SLC14A2: variants seen among roughly 807,000 people sequenced by gnomAD.
SLC14A2 encodes urea transporter 2.
Under a neutral mutation model 104.6 loss-of-function variants are expected in SLC14A2, and 91 were observed. The observed-to-expected ratio is 0.87, with a 90% CI of 0.73 to 1.04. The LOEUF (loss-of-function observed/expected upper bound fraction) is 1.04. SLC14A2 is among the 50% of genes least tolerant of loss of function. SLC14A2 has a pLI of 0.00. For synonymous variants in SLC14A2, 476 were observed against 466.4 expected, an observed-to-expected ratio of 1.02 and a Z score of -0.27; for missense variants, 1,189 against 1,156.0, an observed-to-expected ratio of 1.03 and a Z score of -0.41.
intron 1 of SLC14A2, among the ~76,000 whole-genome samples, chr18:45,317,474 G>A (rs1349580408): frequency 1.3e-5 from 2 of 152,154 alleles, no homozygotes; most frequent in Non-Finnish European, 2.9e-5. Flanking sequence ...TGTTAGGCAG[G>A]GAGAGAAAGA....
chr18:45,237,578 C>T (rs1026382166), intron 1 of SLC14A2, among the ~76,000 whole-genome samples: 1 of 152,200 alleles, frequency 6.6e-6, no homozygotes, highest in South Asian at 2.1e-4. Context: ...AATCGTAAAT[C>T]CTCCTGAGCC....
rs1057272967 is a variant in SLC14A2 at position 45,640,007 on chromosome 18, C to G, written c.991+114C>G. On this transcript the variant is annotated intron_variant, in intron 7 of 19. Coordinates refer to ENST00000255226, the MANE Select transcript of SLC14A2 (RefSeq NM_007163.4). ...TCTTCCCTGCAGTTTTAAATACTTT[C>G]AGGGAGACAGGCACGGTGACTTATG... 3 of 1,002,900 alleles carry G rather than the reference C, an allele frequency of 3.0e-6. No individual in the cohort carries two copies. The African/African-American group carries it at 4.9e-5, about 16-fold the overall frequency. The allele number at this position is 1,002,900 out of a possible 1,614,324, so 62.1% of individuals were successfully genotyped here.
At chr18:45,324,012 TGAAA>T (rs1386155463) in intron 1 of SLC14A2, among the ~76,000 whole-genome samples, 1 of 152,184 alleles carries the variant, frequency 6.6e-6, no homozygotes, top group Non-Finnish European at 1.5e-5. Flanking sequence ...AGAGAAAATG[TGAAA>T]GAGACGTTAT....
At position 45,388,555 on chromosome 18, in the gene SLC14A2, G is replaced by C. The variant is rs879000467; in HGVS notation, c.-124-94678G>C. 3.9e-5 allele frequency among the ~76,000 whole-genome samples: 6 copies of C among 152,152 alleles called. No homozygotes were observed. In the South Asian group the frequency reaches 1.2e-3, roughly 32 times the overall value. On this transcript the variant is annotated intron_variant, in intron 1 of 20. Transcript: ENST00000586448. ...GGCTATTTTTCGTCTGTTCTCTTCA[G>C]TGCCCCAAGATTGCGAATACCTGGG...
chr18:45,452,409 T>TGG (rs2086872579), intron 1 of SLC14A2, among the ~76,000 whole-genome samples: 1 of 152,222 alleles, frequency 6.6e-6, no homozygotes. Context: ...CTTTACATAC[T>TGG]ATGTCCTTCA....
intron 2 of SLC14A2, among the ~76,000 whole-genome samples, chr18:45,508,464 A>G (rs1378300406): frequency 1.3e-5 from 2 of 152,184 alleles, no homozygotes; most frequent in Non-Finnish European, 1.5e-5. Context: ...GTCTACCGCC[A>G]TGTGACATGT....
chr18:45,466,381 C>A (rs75454716), intron 1 of SLC14A2, among the ~76,000 whole-genome samples: 1 of 151,526 alleles, frequency 6.6e-6, no homozygotes, highest in Admixed American at 6.6e-5. Context: ...AGGGCATGTG[C>A]ATCAGTAACT....
chr18:45,268,916 GGAAA>G (rs2084621087), intron 1 of SLC14A2, among the ~76,000 whole-genome samples: 1 of 151,810 alleles, frequency 6.6e-6, no homozygotes, highest in Non-Finnish European at 1.5e-5. Context: ...TGATCTGGGT[GGAAA>G]GAGTCTTCAG....
chr18:45,465,693 G>T (rs1208061365), intron 1 of SLC14A2, among the ~76,000 whole-genome samples: 1 of 152,040 alleles, frequency 6.6e-6, no homozygotes, highest in South Asian at 2.1e-4. Context: ...AGTCAGCTAG[G>T]AGCCCACCTG....
intron 1 of SLC14A2, among the ~76,000 whole-genome samples, chr18:45,425,518 A>C (rs956077839): frequency 2.6e-5 from 4 of 152,180 alleles, no homozygotes; most frequent in Admixed American, 6.6e-5. Context: ...TTGCCAGTAC[A>C]TCAGTGGCAC....
intron 1 of SLC14A2, among the ~76,000 whole-genome samples, chr18:45,286,567 C>T (rs1252693651): frequency 6.6e-6 from 1 of 152,182 alleles, no homozygotes. Flanking sequence ...AATTTTAGAT[C>T]GAATATTGCC....
intron 2 of SLC14A2, among the ~76,000 whole-genome samples, chr18:45,581,125 T>G (rs2044485024): frequency 6.6e-6 from 1 of 151,216 alleles, no homozygotes; most frequent in African/African-American, 2.4e-5. Context: ...GAAGGGAGGG[T>G]GGAGTGAGGG....
chr18:45,350,776 A>G (rs749935340), intron 1 of SLC14A2, among the ~76,000 whole-genome samples: 1 of 152,164 alleles, frequency 6.6e-6, no homozygotes, highest in African/African-American at 2.4e-5. Flanking sequence ...AGGAAAAAAA[A>G]AAAAGCTCCC....
At chr18:45,624,131 A>G (rs546667469) in intron 1 of SLC14A2, among the ~76,000 whole-genome samples, 15 of 152,262 alleles carry the variant, frequency 9.9e-5, no homozygotes, top group Non-Finnish European at 1.0e-4. Flanking sequence ...TAGGGAAGGG[A>G]AAGAGGGAAG....
At chr18:45,587,612 C>T (rs1207850788) in intron 2 of SLC14A2, among the ~76,000 whole-genome samples, 5 of 152,098 alleles carry the variant, frequency 3.3e-5, no homozygotes, top group African/African-American at 7.2e-5. Context: ...TTTCAAGGCA[C>T]GAGTTGGCAT....
At chr18:45,399,827 G>A (rs1357762706) in intron 1 of SLC14A2, among the ~76,000 whole-genome samples, 2 of 152,134 alleles carry the variant, frequency 1.3e-5, no homozygotes, top group African/African-American at 4.8e-5. Flanking sequence ...ATTTGCAAAT[G>A]AGAGTTAGTA....
the SLC14A2 span, among the ~76,000 whole-genome samples, chr18:45,199,264 G>GAAAATTTTA: frequency 6.6e-6 from 1 of 151,988 alleles, no homozygotes; most frequent in African/African-American, 2.4e-5. Flanking sequence ...CTAATCTGAA[G>GAAAATTTTA]GCTCCTGTGT....
intron 1 of SLC14A2, among the ~76,000 whole-genome samples, chr18:45,264,104 G>A (rs1309561249): frequency 6.6e-6 from 1 of 152,184 alleles, no homozygotes; most frequent in East Asian, 1.9e-4. Context: ...ATTATGAAGA[G>A]TATGAATCAA....
intron 1 of SLC14A2, among the ~76,000 whole-genome samples, chr18:45,395,420 C>G (rs1341754002): frequency 1.3e-5 from 2 of 152,078 alleles, no homozygotes; most frequent in Non-Finnish European, 2.9e-5. Context: ...AGTTGCTGTT[C>G]AATGGGTATA....
Sources: allele counts gnomAD v4.1 joint callset (sites outside exome capture counted in the v4.1 genomes callset), GRCh38; gene constraint gnomAD v4.1.1; transcripts MANE v1.5; gene names NCBI Gene and HGNC (gene_info 2026-07-23, HGNC 2026-07-21).